The following GOLGA6L7 variants were observed in gnomAD, a reference collection of about 807,000 sequenced individuals.
GOLGA6L7 encodes golgin A6 family like 7.
A neutral mutation model predicts 68.9 loss-of-function variants in GOLGA6L7; 29 were observed. The observed-to-expected ratio is 0.42, with a 90% CI of 0.31 to 0.57. The LOEUF is 0.57. Among genes scored for constraint, GOLGA6L7 ranks in the 20% least tolerant of loss-of-function variants. The pLI is 0.13. For synonymous variants in GOLGA6L7, 133 were observed against 197.4 expected, an observed-to-expected ratio of 0.67 and a Z score of 2.73; for missense variants, 396 against 588.4, an observed-to-expected ratio of 0.67 and a Z score of 3.38.
chr15:28,845,288 G>T (rs2030381616), intron 6 of GOLGA6L7: 3 of 610,040 alleles, frequency 4.9e-6, no homozygotes, highest in Admixed American at 4.5e-5. Context: ...AAGTATGGGT[G>T]GGGTGGGCAC....
rs1357887718 is a variant in GOLGA6L7, at chr15:28,845,888, C to G, written c.261+12G>C. Reference sequence around the variant, plus strand: ...CCAGAGGACAGGAGGGAACTTCACACCCTCCACTCACCTCTAGCTGCCTCC... The same window carrying G: ...CCAGAGGACAGGAGGGAACTTCACAGCCTCCACTCACCTCTAGCTGCCTCC... On this transcript the variant is annotated intron_variant, in intron 4 of 8. Coordinates refer to ENST00000567390, the MANE Select transcript of GOLGA6L7 (RefSeq NM_001365371.2). 3 of 1,234,592 alleles carry G rather than the reference C, an allele frequency of 2.4e-6. No homozygotes were observed. The highest frequency in any genetic ancestry group is 1.2e-5 in the South Asian group (1 of 81,004). 76.5% of individuals were successfully genotyped at this position (1,234,592 alleles called of 1,614,324 possible).
chr15:28,843,724 C>A lies in GOLGA6L7; in HGVS notation c.663+10G>T, dbSNP rs555811607. 4 of 652,728 alleles carry A rather than the reference C, an allele frequency of 6.1e-6. No homozygotes were observed. The highest frequency in any genetic ancestry group is 1.1e-5 in the Non-Finnish European group (4 of 367,094). The allele number at this position is 652,728 out of a possible 1,614,324, so 40.4% of individuals were successfully genotyped here. On this transcript the variant is annotated intron_variant, in intron 8 of 8. Coordinates refer to ENST00000567390, the MANE Select transcript of GOLGA6L7 (RefSeq NM_001365371.2). ...GCGGCTCCCACACCCCCGGGGCTGC[C>A]GCCGCTCACCTGTGGCAGCGGGATT...
Position 28,842,900 on chromosome 15 carries a change from C to G in GOLGA6L7, c.1204G>C (p.Glu402Gln), listed in dbSNP as rs1172857715. The change falls in exon 9 of 9, where the codon GAG becomes CAG. Residue 402 changes from glutamate to glutamine, a missense_variant. Glu to Gln is a conservative substitution (Grantham distance 29). This residue lies in a region of GOLGA6L7 where 114 missense variants were observed against 186.0 expected (regional missense o/e 0.61). Coordinates refer to ENST00000567390, the MANE Select transcript of GOLGA6L7 (RefSeq NM_001365371.2). ...EQEEQMRKQE[E>Q]QMWKQEEQMG... ...TGCTCCTCCTGCTTCCACATCTGCT[C>G]CTCCTGCTTTCGCATCTGCTCCTCC... 2 of 1,252,070 alleles carry G rather than the reference C, an allele frequency of 1.6e-6. No homozygotes were observed. The highest frequency in any genetic ancestry group is 2.0e-6 in the Non-Finnish European group (2 of 1,007,058). The allele number at this position is 1,252,070 out of a possible 1,614,324, so 77.6% of individuals were successfully genotyped here.
At chr15:28,844,153 C>T in intron 7 of GOLGA6L7, 52 bp downstream of exon 7, 2 of 487,580 alleles carry the variant, frequency 4.1e-6, no homozygotes, top group South Asian at 7.5e-5. Flanking sequence ...TCCCAGCACA[C>T]CACCCACGCT....
At chr15:28,843,528 T>C in intron 8 of GOLGA6L7, 88 bp from the exon 9 acceptor site, 1 of 458,872 alleles carries the variant, frequency 2.2e-6, no homozygotes, top group Non-Finnish European at 3.7e-6. Context: ...AAAAGAAATT[T>C]TAAGCCGTAA....
chr15:28,845,331 C>CCCCACAGCGCCCCGCAACTCA (rs1265825042), intron 6 of GOLGA6L7, 198 bp downstream of exon 6: 1 of 673,360 alleles, frequency 1.5e-6, no homozygotes, highest in Non-Finnish European at 2.7e-6. Context: ...AGTGCTCGCT[C>CCCCACAGCGCCCCGCAACTCA]CCCACAGCGC....
At chr15:28,845,396 G>T (rs1002391423) in intron 6 of GOLGA6L7, 133 bp downstream of exon 6, 13 of 697,562 alleles carry the variant, frequency 1.9e-5, no homozygotes, top group Admixed American at 4.0e-5. Context: ...TAACAACCAC[G>T]CACAAAAGCA....
In GOLGA6L7 at chr15:28,843,219, C is replaced by T. The variant is rs2030280048; in HGVS notation, c.885G>A (p.Gln295=). The T allele has an allele frequency of 8.9e-7, 1 of 1,123,526 alleles. No homozygotes were observed. The highest frequency in any genetic ancestry group is 2.4e-5 in the South Asian group (1 of 41,064). 69.6% of individuals were successfully genotyped at this position (1,123,526 alleles called of 1,614,324 possible). Residue 295 remains glutamine (Q), a synonymous_variant, in exon 9 of 9, where the codon CAG becomes CAA. Coordinates refer to ENST00000567390, the MANE Select transcript of GOLGA6L7 (RefSeq NM_001365371.2). ...MRKQEEQMRK[Q]EEQMRKQEEQ... is the part of the protein sequence containing the mutation. Reference sequence around the variant, plus strand: ...CCTCCTGCTTCCGCATCTGCTCCTCCTGCTTCCGCATCTGCTCCTCCTGCT... The same window carrying T: ...CCTCCTGCTTCCGCATCTGCTCCTCTTGCTTCCGCATCTGCTCCTCCTGCT...
Position 28,842,851 on chromosome 15 carries a change from T to A in GOLGA6L7, c.1253A>T (p.Gln418Leu). ...CTCCTGCTCCCCCATCTGCTCCTCC[T>A]GCTTCCTCATCTGCTCCCCCATCTG... Reference protein sequence around the residue: ...EEQMGEQMRKQEEQMGEQEEQ... With the variant: ...EEQMGEQMRKLEEQMGEQEEQ... Residue 418 changes from glutamine to leucine, a missense_variant, in exon 9 of 9, where the codon CAG becomes CTG. Around this residue, in one of 5 missense-constraint regions of GOLGA6L7, gnomAD observed 114 missense variants for 186.0 expected, o/e 0.61. Coordinates refer to ENST00000567390, the MANE Select transcript of GOLGA6L7 (RefSeq NM_001365371.2). The A allele has an allele frequency of 8.4e-7, 1 of 1,186,808 alleles. No individual in the cohort carries two copies. The highest frequency in any genetic ancestry group is 1.9e-5 in the African/African-American group (1 of 51,828). The allele number at this position is 1,186,808 out of a possible 1,614,324, so 73.5% of individuals were successfully genotyped here.
Position 28,842,232 on chromosome 15 carries a change from T to C in GOLGA6L7, c.*3A>G. Reference sequence around the variant, plus strand: ...CTTCTGTAGGCCTTGTTGACCGTTCTTTTTAGATACTGATGATCTTGATCT... The same window carrying C: ...CTTCTGTAGGCCTTGTTGACCGTTCCTTTTAGATACTGATGATCTTGATCT... On this transcript the variant is annotated 3_prime_UTR_variant, in exon 9 of 9. Transcript: ENST00000567390. 1 of 1,228,318 alleles carries C rather than the reference T, an allele frequency of 8.1e-7. No individual in the cohort carries two copies. 76.1% of individuals were successfully genotyped at this position (1,228,318 alleles called of 1,614,324 possible).
chr15:28,847,650 A>C (rs1354676670), intron 1 of GOLGA6L7, among the ~76,000 whole-genome samples: 1 of 152,288 alleles, frequency 6.6e-6, no homozygotes, highest in African/African-American at 2.4e-5. Context: ...TGTGACTATC[A>C]TCCCTAAGAA....
chr15:28,844,499 C>T (rs1347775399), intron 6 of GOLGA6L7, among the ~76,000 whole-genome samples: 1 of 145,796 alleles, frequency 6.9e-6, no homozygotes, highest in Non-Finnish European at 1.5e-5. Flanking sequence ...GGCGCGATCT[C>T]ACCCCACCGC....
chr15:28,848,296 C>T (rs2030514538), intron 1 of GOLGA6L7, among the ~76,000 whole-genome samples: 1 of 151,982 alleles, frequency 6.6e-6, no homozygotes. Flanking sequence ...TGAAAGTCAC[C>T]CTGGGGTGAC....
Position 28,842,355 on chromosome 15 carries a change from C to G in GOLGA6L7, c.1749G>C (p.Gln583His), listed in dbSNP as rs1286656958. 1 of 1,230,940 alleles carries G rather than the reference C, an allele frequency of 8.1e-7. No homozygotes were observed. Among genetic ancestry groups the G allele is most frequent in the Non-Finnish European group, 1.0e-6 (1 of 985,388 alleles). The allele number at this position is 1,230,940 out of a possible 1,614,324, so 76.3% of individuals were successfully genotyped here. The change falls in exon 9 of 9, where the codon CAG (glutamine) becomes CAC (histidine). Residue 583 changes from glutamine to histidine, a missense_variant. Physicochemically the swap from Gln to His is conservative, Grantham distance 24 (BLOSUM62 0). Transcript: ENST00000567390. ...TCATTCCAGGGGGCAGCTGCATGAT[C>G]TGTGCAGTGCGGTTGTCATGGGAAT... is the stretch of plus-strand genomic sequence containing the variant. ...KGYSHDNRTA[Q>H]IMQLPPGMKN...
intron 1 of GOLGA6L7, among the ~76,000 whole-genome samples, 161 bp from the exon 2 acceptor site, chr15:28,847,353 T>C (rs1264512221): frequency 6.7e-6 from 1 of 150,286 alleles, no homozygotes; most frequent in Admixed American, 6.6e-5. Context: ...ATTGATACCA[T>C]GGCTAAAAGA....
Position 28,843,132 on chromosome 15 carries a change from C to T in GOLGA6L7, c.972G>A (p.Glu324=), listed in dbSNP as rs2030272961. 1 of 1,301,516 alleles carries T rather than the reference C, an allele frequency of 7.7e-7. No homozygotes were observed. The allele number at this position is 1,301,516 out of a possible 1,614,324, so 80.6% of individuals were successfully genotyped here. A position where few individuals can be genotyped will look rare whatever the true frequency, so the allele number is the denominator to read the frequency against. ...RKQEEQMRKQ[E]EQMGKQEEQM... ...GCTCCTCCTGCTTCCCCATCTGCTCCTCCTGCTTCCGCATCTGCTCCTCCT... is the reference window on the plus strand; with the variant it reads ...GCTCCTCCTGCTTCCCCATCTGCTCTTCCTGCTTCCGCATCTGCTCCTCCT... The change falls in exon 9 of 9, where the codon GAG becomes GAA. Residue 324 remains glutamate (E), a synonymous_variant. Transcript: ENST00000567390.
At position 28,845,830 on chromosome 15, in the gene GOLGA6L7, G is replaced by A. The variant is rs775752152; in HGVS notation, c.262-19C>T. ...CCTGGGCCTTTGGGAGACAAGAAAA[G>A]CAAGTGCTGAAAGAGAAGCAAAGAA... On this transcript the variant is annotated intron_variant, in intron 4 of 8. Coordinates refer to ENST00000567390, the MANE Select transcript of GOLGA6L7 (RefSeq NM_001365371.2). 36 of 948,990 alleles carry A rather than the reference G, an allele frequency of 3.8e-5. No individual in the cohort carries two copies. Among genetic ancestry groups the A allele is most frequent in the East Asian group, 7.4e-5 (3 of 40,806 alleles). The allele number at this position is 948,990 out of a possible 1,614,324, so 58.8% of individuals were successfully genotyped here.
intron 8 of GOLGA6L7, 119 bp downstream of exon 8, chr15:28,843,615 C>T: frequency 1.8e-6 from 1 of 555,382 alleles, no homozygotes; most frequent in Non-Finnish European, 3.1e-6. Flanking sequence ...TGTGGTGGGA[C>T]CAGAACAAGG....
rs1292483255 is a variant in GOLGA6L7 at position 28,842,146 on chromosome 15, A to C, written c.*89T>G. On this transcript the variant is annotated 3_prime_UTR_variant, in exon 9 of 9. Coordinates refer to ENST00000567390, the MANE Select transcript of GOLGA6L7 (RefSeq NM_001365371.2). ...CAGTATTTTGCCACAATTTAAAATA[A>C]ATTTTCTTTTTTTCAAGTTTGTTCT... is the stretch of plus-strand genomic sequence containing the variant. The C allele has an allele frequency of 2.4e-5, 27 of 1,118,440 alleles. No homozygotes were observed. Among genetic ancestry groups the C allele is most frequent in the Middle Eastern group, 6.7e-4 (2 of 2,992 alleles). 69.3% of individuals were successfully genotyped at this position (1,118,440 alleles called of 1,614,324 possible). A position where few individuals can be genotyped will look rare whatever the true frequency, so the allele number is the denominator to read the frequency against.
Sources: allele counts gnomAD v4.1 joint callset (sites outside exome capture counted in the v4.1 genomes callset), GRCh38; gene constraint gnomAD v4.1.1; regional missense constraint gnomAD v4.1.1; transcripts MANE v1.5; gene names NCBI Gene and HGNC (gene_info 2026-07-23, HGNC 2026-07-21).